The following SNRK variants were observed in gnomAD, a reference collection of about 807,000 sequenced individuals.
SNRK encodes SNF related kinase, also known as SNF-related serine/threonine-protein kinase.
A neutral mutation model predicts 48.2 loss-of-function variants in SNRK; 3 were observed. The ratio of observed to expected loss-of-function variants is 0.06; its 90% CI spans 0.03 to 0.16. SNRK has a LOEUF of 0.16. Among genes scored for constraint, SNRK ranks in the 10% least tolerant of loss-of-function variants. The pLI is 1.00. For synonymous variants in SNRK, 376 were observed against 366.1 expected, an observed-to-expected ratio of 1.03 and a Z score of -0.31; for missense variants, 627 against 976.0, an observed-to-expected ratio of 0.64 and a Z score of 4.76.
Position 43,301,162 on chromosome 3 carries a change from T to C in SNRK, c.-107+1347T>C, listed in dbSNP as rs571139454. Among the ~76,000 whole-genome samples the C allele has an allele frequency of 9.8e-5, 15 of 152,376 alleles. 1 individual carries two copies. The highest frequency in any genetic ancestry group is 3.6e-4 in the African/African-American group (15 of 41,592). ...AATTACTAAAGTGCAAAAAATATATTAGTAAACATATTAACATTGACTTTT... is the reference window on the plus strand; with the variant it reads ...AATTACTAAAGTGCAAAAAATATATCAGTAAACATATTAACATTGACTTTT... On this transcript the variant is annotated intron_variant, in intron 2 of 6. Coordinates refer to ENST00000296088, the MANE Select transcript of SNRK (RefSeq NM_017719.5).
chr3:43,322,017 A>G (rs2091057452), intron 3 of SNRK, among the ~76,000 whole-genome samples: 2 of 152,264 alleles, frequency 1.3e-5, no homozygotes, highest in South Asian at 2.1e-4. Context: ...CCTGGCAAAT[A>G]GTGCTGCCGC....
At chr3:43,334,294 A>G (rs2091170134) in intron 4 of SNRK, among the ~76,000 whole-genome samples, 1 of 152,048 alleles carries the variant, frequency 6.6e-6, no homozygotes, top group Non-Finnish European at 1.5e-5. Flanking sequence ...CTACTAAACA[A>G]ACAAGCAAAA....
intron 3 of SNRK, among the ~76,000 whole-genome samples, chr3:43,317,922 G>T (rs534283278): frequency 1.4e-4 from 21 of 152,212 alleles, no homozygotes; most frequent in Non-Finnish European, 2.2e-4. Context: ...TTAGATGAAT[G>T]AATACATGTA....
Position 43,303,019 on chromosome 3 carries a change from A to C in SNRK, c.-106-79A>C. 2.1e-6 allele frequency: 1 copy of C among 467,324 alleles called. No homozygotes were observed. The highest frequency in any genetic ancestry group is 3.2e-5 in the East Asian group (1 of 30,976). 28.9% of individuals were successfully genotyped at this position (467,324 alleles called of 1,614,324 possible). ...CTTCAAGTTTCTCTTAAAATGAAAA[A>C]AACAAAAAATGAAGTGATTTTAAAG... On this transcript the variant is annotated intron_variant, in intron 2 of 6. Coordinates refer to ENST00000296088, the MANE Select transcript of SNRK (RefSeq NM_017719.5). The surrounding 1 kb of genome is among the most constrained non-coding windows in gnomAD (Gnocchi z 6.2).
intron 2 of SNRK, 120 bp from the exon 3 acceptor site, chr3:43,302,978 T>TA (rs1404456980): frequency 1.2e-4 from 51 of 429,068 alleles, no homozygotes; most frequent in African/African-American, 9.5e-4. Context: ...ACTCATTTTT[T>TA]ATCTCAATTT....
chr3:43,308,862 C>T (rs1199066914), intron 3 of SNRK, among the ~76,000 whole-genome samples: 1 of 152,150 alleles, frequency 6.6e-6, no homozygotes, highest in African/African-American at 2.4e-5. Flanking sequence ...TCCTCCGATC[C>T]ATCTGGGCAA....
chr3:43,300,819 T>G (rs1020680174), intron 2 of SNRK, among the ~76,000 whole-genome samples: 1 of 152,256 alleles, frequency 6.6e-6, no homozygotes, highest in Non-Finnish European at 1.5e-5. Context: ...TATCAGTTTC[T>G]TATTTAAAAA....
intron 3 of SNRK, among the ~76,000 whole-genome samples, chr3:43,328,776 T>G (rs2091122126): frequency 6.6e-6 from 1 of 152,252 alleles, no homozygotes; most frequent in African/African-American, 2.4e-5. Flanking sequence ...CTGCTTGAAC[T>G]TACCTACTGT....
intron 1 of SNRK, among the ~76,000 whole-genome samples, chr3:43,296,200 A>G (rs1480136170): frequency 6.6e-6 from 1 of 151,930 alleles, no homozygotes. Flanking sequence ...CAGGTTGGTA[A>G]TATCATTGAG....
At chr3:43,336,624 A>T (rs11719258) in intron 4 of SNRK, among the ~76,000 whole-genome samples, 27,990 of 151,878 alleles carry the variant, frequency 0.18, 3,094 homozygotes, top group Middle Eastern at 0.35. Flanking sequence ...GAGCTACCAC[A>T]CCCTGCCAAG....
chr3:43,296,415 C>CATATATATATATATATATATATGTATAT (rs371078181), intron 1 of SNRK, among the ~76,000 whole-genome samples: 1 of 127,242 alleles, frequency 7.9e-6, no homozygotes. Flanking sequence ...GATATACTGG[C>CATATATATATATATATATATATGTATAT]ATATATATAT....
At chr3:43,327,926 C>T (rs925474804) in intron 3 of SNRK, among the ~76,000 whole-genome samples, 4 of 149,232 alleles carry the variant, frequency 2.7e-5, no homozygotes, top group South Asian at 4.3e-4. Flanking sequence ...TTCATTATCT[C>T]TTTACTCCTT....
intron 4 of SNRK, among the ~76,000 whole-genome samples, chr3:43,334,667 C>T (rs777144995): frequency 3.3e-5 from 5 of 151,496 alleles, no homozygotes; most frequent in Non-Finnish European, 7.4e-5. Context: ...AGTCTCGGCT[C>T]ACTTCAGCCT....
chr3:43,348,460 C>A lies in SNRK; in HGVS notation c.2201C>A (p.Pro734His). 1 of 1,610,046 alleles carries A rather than the reference C, an allele frequency of 6.2e-7. No individual in the cohort carries two copies. The highest frequency in any genetic ancestry group is 8.5e-7 in the Non-Finnish European group (1 of 1,178,210). Residue 734 changes from proline (P) to histidine (H), a missense_variant, in exon 7 of 7, where the codon CCT becomes CAT. Pro to His is a moderately conservative substitution (Grantham distance 77). Coordinates refer to ENST00000296088, the MANE Select transcript of SNRK (RefSeq NM_017719.5). ...CTGAAAAATAACGTGCTGCAGCTAC[C>A]TCTGTGCGAAAAGACCATCTCTGTG... ...KNLKNNVLQLPLCEKTISVNI... is the reference protein window; with the variant it reads ...KNLKNNVLQLHLCEKTISVNI...
At chr3:43,321,782 C>T (rs549528519) in intron 3 of SNRK, among the ~76,000 whole-genome samples, 3 of 152,258 alleles carry the variant, frequency 2.0e-5, no homozygotes, top group South Asian at 2.1e-4. Flanking sequence ...TAAGGCGAGG[C>T]GCCTACTTAC....
At chr3:43,318,514 A>T (rs778331655) in intron 3 of SNRK, among the ~76,000 whole-genome samples, 1 of 151,048 alleles carries the variant, frequency 6.6e-6, no homozygotes, top group Non-Finnish European at 1.5e-5. Flanking sequence ...TAACATGGGA[A>T]ACCTTTAGGG....
chr3:43,309,273 A>G (rs185495586), intron 3 of SNRK, among the ~76,000 whole-genome samples: 258 of 152,296 alleles, frequency 1.7e-3, no homozygotes, highest in Non-Finnish European at 3.1e-3. Flanking sequence ...AATGACAACA[A>G]AGGATTTAGA....
At chr3:43,300,027 A>G (rs771198643) in intron 2 of SNRK, among the ~76,000 whole-genome samples, 1 of 152,134 alleles carries the variant, frequency 6.6e-6, no homozygotes, top group Admixed American at 6.5e-5. Flanking sequence ...GAACAAGGAT[A>G]TTTTTCGTCT....
chr3:43,327,132 T>A (rs987374372), intron 3 of SNRK, among the ~76,000 whole-genome samples: 1 of 152,224 alleles, frequency 6.6e-6, no homozygotes, highest in Admixed American at 6.5e-5. Context: ...AAAGAATCTT[T>A]AGTAACCAAA....
Sources: allele counts gnomAD v4.1 joint callset (sites outside exome capture counted in the v4.1 genomes callset), GRCh38; gene constraint gnomAD v4.1.1; non-coding constraint Gnocchi (gnomAD v3.1); transcripts MANE v1.5; gene names NCBI Gene and HGNC (gene_info 2026-07-23, HGNC 2026-07-21).